Variants in CENPP observed in about 807,000 individuals in gnomAD.
CENPP encodes centromere protein P.
In CENPP, 24 loss-of-function variants were observed where a neutral mutation model predicts 35.6. The ratio of observed to expected loss-of-function variants is 0.67; its 90% CI spans 0.49 to 0.95. The LOEUF is 0.95. CENPP is among the 40% of genes least tolerant of loss of function. CENPP has a pLI of 0.00. For missense variants in CENPP, 332 were observed against 345.3 expected, an observed-to-expected ratio of 0.96 and a Z score of 0.31; for synonymous variants, 120 against 125.5, an observed-to-expected ratio of 0.96 and a Z score of 0.29.
chr9:92,557,833 C>T (rs1441345093), intron 5 of CENPP, among the ~76,000 whole-genome samples: 3 of 151,970 alleles, frequency 2.0e-5, no homozygotes, highest in South Asian at 2.1e-4. Context: ...TTAGTAGAGA[C>T]GGGATTTCAA....
intron 5 of CENPP, among the ~76,000 whole-genome samples, chr9:92,424,923 G>A (rs887664272): frequency 2.0e-5 from 3 of 152,034 alleles, no homozygotes; most frequent in African/African-American, 2.4e-5. Context: ...TGATCCTCCC[G>A]CCTCCACCTC....
At chr9:92,522,585 A>G (rs1441538311) in intron 5 of CENPP, 21 of 1,611,796 alleles carry the variant, frequency 1.3e-5, no homozygotes, top group South Asian at 1.2e-4. Context: ...CTGGTAACAC[A>G]TTATAACTTG....
At chr9:92,494,217 A>G in intron 5 of CENPP, 2 of 1,517,848 alleles carry the variant, frequency 1.3e-6, no homozygotes, top group South Asian at 1.2e-5. Context: ...TCATCCCAAG[A>G]TGCTAGTTCT....
chr9:92,418,342 C>A (rs1843683708), intron 5 of CENPP, among the ~76,000 whole-genome samples: 1 of 151,978 alleles, frequency 6.6e-6, no homozygotes, highest in Non-Finnish European at 1.5e-5. Flanking sequence ...CCACCTCAGC[C>A]TCTCAAAGTG....
chr9:92,501,371 G>T (rs1235217609), intron 5 of CENPP, among the ~76,000 whole-genome samples: 1 of 152,174 alleles, frequency 6.6e-6, no homozygotes, highest in Non-Finnish European at 1.5e-5. Flanking sequence ...TACGGTTGAT[G>T]CGTTGAATCC....
At chr9:92,352,499 G>GTATACA (rs1841477839) in intron 4 of CENPP, among the ~76,000 whole-genome samples, 7 of 79,154 alleles carry the variant, frequency 8.8e-5, no homozygotes, top group East Asian at 2.4e-4. Flanking sequence ...GTGTGTGTGT[G>GTATACA]TGTGTGTATA....
At chr9:92,546,118 G>T (rs1849437937) in intron 5 of CENPP, among the ~76,000 whole-genome samples, 1 of 152,134 alleles carries the variant, frequency 6.6e-6, no homozygotes, top group Non-Finnish European at 1.5e-5. Flanking sequence ...AGTGCTCTGT[G>T]TCTAGCTAAT....
At chr9:92,359,826 T>G (rs1841696431) in intron 4 of CENPP, among the ~76,000 whole-genome samples, 4 of 151,816 alleles carry the variant, frequency 2.6e-5, no homozygotes, top group African/African-American at 9.7e-5. Flanking sequence ...TTCTATAAGC[T>G]GTGTGTAAGC....
chr9:92,452,993 C>T lies in CENPP; in HGVS notation c.564+73134C>T, dbSNP rs999210811. Among the ~76,000 whole-genome samples the T allele has an allele frequency of 7.0e-3, 1,064 of 152,112 alleles. 9 individuals carry two copies. The highest frequency in any genetic ancestry group is 0.022 in the African/African-American group (893 of 41,484). ...CGTCTATTTGAATCTTCTCTCTTTT[C>T]TTCTTTATTAGTCTTGCTAGGGGTC... On this transcript the variant is annotated intron_variant, in intron 5 of 7. Coordinates refer to ENST00000375587, the MANE Select transcript of CENPP (RefSeq NM_001012267.3).
intron 4 of CENPP, among the ~76,000 whole-genome samples, chr9:92,352,065 C>T (rs1440859356): frequency 6.9e-6 from 1 of 145,318 alleles, no homozygotes; most frequent in Non-Finnish European, 1.5e-5. Context: ...GCTTTATTTG[C>T]ACCATCTATA....
At chr9:92,460,389 C>G in intron 5 of CENPP, 1 of 814,760 alleles carries the variant, frequency 1.2e-6, no homozygotes, top group Non-Finnish European at 2.0e-6. Context: ...CAGCAACTGG[C>G]TAAACAGACA....
intron 5 of CENPP, chr9:92,401,308 G>GC: frequency 1.9e-6 from 1 of 537,862 alleles, no homozygotes; most frequent in Non-Finnish European, 3.3e-6. Context: ...GCTCCATTAG[G>GC]CTTTCATACA....
intron 5 of CENPP, among the ~76,000 whole-genome samples, chr9:92,503,743 G>A (rs889658599): frequency 6.6e-6 from 1 of 152,204 alleles, no homozygotes; most frequent in Non-Finnish European, 1.5e-5. Flanking sequence ...GTATTTGTTA[G>A]AAATTAGTAA....
chr9:92,334,475 T>C (rs902256614), intron 2 of CENPP, among the ~76,000 whole-genome samples: 31 of 152,200 alleles, frequency 2.0e-4, no homozygotes, highest in African/African-American at 7.2e-4. Flanking sequence ...GCTTTAAATG[T>C]ATGTTGTTAA....
rs571612473 is a variant in CENPP, at chr9:92,336,666, G to C, written c.290-875G>C. On this transcript the variant is annotated intron_variant, in intron 2 of 7. Coordinates refer to ENST00000375587, the MANE Select transcript of CENPP (RefSeq NM_001012267.3). The stretch of plus-strand genomic sequence containing the variant: ...CAGGATAGTGCTTACTTACCTCTTG[G>C]GGGTAGGGAATAGCCTGGGAAAGGA... Among the ~76,000 whole-genome samples, 6 of 152,210 alleles carry C rather than the reference G, an allele frequency of 3.9e-5. No individual in the cohort carries two copies. In the South Asian group the frequency reaches 1.2e-3, roughly 32 times the overall value.
At chr9:92,467,406 G>C (rs922128402) in intron 5 of CENPP, among the ~76,000 whole-genome samples, 9 of 152,156 alleles carry the variant, frequency 5.9e-5, no homozygotes, top group African/African-American at 2.2e-4. Flanking sequence ...ACTCTGATAA[G>C]GATTTTCATT....
intron 5 of CENPP, among the ~76,000 whole-genome samples, chr9:92,577,782 TTTTATTTA>T (rs746950356): frequency 1.3e-5 from 2 of 151,558 alleles, no homozygotes; most frequent in African/African-American, 2.4e-5. Context: ...AGACCCTATC[TTTTATTTA>T]TTTATTTATT....
At chr9:92,367,822 T>G (rs1425081928) in intron 4 of CENPP, among the ~76,000 whole-genome samples, 1 of 152,132 alleles carries the variant, frequency 6.6e-6, no homozygotes, top group Admixed American at 6.5e-5. Context: ...TTCACCACAT[T>G]GGACAGTCTG....
At chr9:92,431,862 C>G (rs1156323541) in intron 5 of CENPP, among the ~76,000 whole-genome samples, 1 of 152,186 alleles carries the variant, frequency 6.6e-6, no homozygotes, top group Admixed American at 6.5e-5. Context: ...CGTTAGCCAC[C>G]ATGCCTGGCC....
Sources: allele counts gnomAD v4.1 joint callset (sites outside exome capture counted in the v4.1 genomes callset), GRCh38; gene constraint gnomAD v4.1.1; transcripts MANE v1.5; gene names NCBI Gene and HGNC (gene_info 2026-07-23, HGNC 2026-07-21).